ABCA8: variants seen among roughly 807,000 people sequenced by gnomAD.
ABCA8 encodes the protein ABC-type organic anion transporter ABCA8.
In ABCA8, 177 loss-of-function variants were observed where a neutral mutation model predicts 192.3. The ratio of observed to expected loss-of-function variants is 0.92; its 90% CI spans 0.81 to 1.04. The LOEUF (loss-of-function observed/expected upper bound fraction) is 1.04. Ranked by LOEUF, ABCA8 falls within the 50% of genes least tolerant of loss-of-function variation. ABCA8 has a pLI of 0.00. For missense variants in ABCA8, 1,915 were observed against 1,904.8 expected (o/e 1.01, Z -0.10); for synonymous variants, 642 against 690.2 (o/e 0.93, Z 1.09).
intron 3 of ABCA8, 94 bp downstream of exon 3, chr17:68,941,845 A>G: frequency 1.3e-6 from 1 of 779,942 alleles, no homozygotes; most frequent in South Asian, 1.8e-5. Context: ...TTTTTGGTGT[A>G]TGTGTCGGGG....
chr17:68,870,127 A>G (rs562054838), intron 37 of ABCA8, among the ~76,000 whole-genome samples: 2 of 152,276 alleles, frequency 1.3e-5, no homozygotes, highest in Admixed American at 1.3e-4. Context: ...TGTTGTCCAA[A>G]ACAACTAACC....
intron 2 of ABCA8, among the ~76,000 whole-genome samples, chr17:68,946,897 C>T (rs564619682): frequency 2.6e-5 from 4 of 151,772 alleles, no homozygotes; most frequent in African/African-American, 7.3e-5. Context: ...GCCAAGATGG[C>T]GCCACTGCAC....
rs772108746 is a variant in ABCA8, at chr17:68,869,792, G to T, written c.4632-13C>A. 3 of 1,587,926 alleles carry T rather than the reference G, an allele frequency of 1.9e-6. No homozygotes were observed. The highest frequency in any genetic ancestry group is 2.6e-6 in the Non-Finnish European group (3 of 1,156,530). On this transcript the variant is annotated splice_polypyrimidine_tract_variant and intron_variant, in intron 37 of 39. Transcript: ENST00000586539. ...CAGAGAGGAGTACCTGAGAGAAAAG[G>T]AGAGGTAAGAAGAGTGATACCACTT...
At position 68,875,326 on chromosome 17, in the gene ABCA8, A is replaced by C; in HGVS notation, c.4565T>G (p.Leu1522Arg). The change falls in exon 37 of 40, where the codon CTG becomes CGG. Residue 1522 changes from leucine to arginine, a missense_variant. Coordinates refer to ENST00000586539, the MANE Select transcript of ABCA8 (RefSeq NM_001288985.2). ...TGCATGGAGGGGCTCCACTTGTGCC[A>C]GGTTCTTCACCTTCATCTCCAGCAG... The part of the protein sequence containing the change: ...DYLLEMKVKN[L>R]AQVEPLHAEI... 6.2e-7 allele frequency: 1 copy of C among 1,614,138 alleles called. No individual in the cohort carries two copies. The highest frequency in any genetic ancestry group is 8.5e-7 in the Non-Finnish European group (1 of 1,180,018).
Position 68,894,860 on chromosome 17 carries a change from A to G in ABCA8, c.2898+20T>C, listed in dbSNP as rs762848638. 1 of 1,602,332 alleles carries G rather than the reference A, an allele frequency of 6.2e-7. No homozygotes were observed. Among genetic ancestry groups the G allele is most frequent in the Non-Finnish European group, 8.5e-7 (1 of 1,176,146 alleles). On this transcript the variant is annotated intron_variant, in intron 22 of 39. Transcript: ENST00000586539. ...TTAGCTTTTCACATTTTTCAGAAAGATTATTAGAGACCTGCATACCTTTTC... is the reference window on the plus strand; with the variant it reads ...TTAGCTTTTCACATTTTTCAGAAAGGTTATTAGAGACCTGCATACCTTTTC...
At chr17:68,913,285 A>G (rs1417780568) in intron 17 of ABCA8, among the ~76,000 whole-genome samples, 1 of 152,144 alleles carries the variant, frequency 6.6e-6, no homozygotes, top group East Asian at 1.9e-4. Flanking sequence ...ATAAGTGCTT[A>G]CATCAAAAAG....
intron 7 of ABCA8, 137 bp from the exon 8 acceptor site, chr17:68,929,839 CTAAGATAT>C (rs2067810267): frequency 1.2e-6 from 1 of 803,644 alleles, no homozygotes; most frequent in South Asian, 2.5e-5. Context: ...ATTGGGTGTT[CTAAGATAT>C]ATAAATACAA....
At position 68,940,921 on chromosome 17, in the gene ABCA8, T is replaced by C; in HGVS notation, c.138A>G (p.Ile46Met). 1.9e-6 allele frequency: 3 copies of C among 1,612,154 alleles called. No individual in the cohort carries two copies. Among genetic ancestry groups the C allele is most frequent in the Non-Finnish European group, 2.5e-6 (3 of 1,178,418 alleles). ...CATTTACTTGATGACTATGAGGATA[T>C]ATATACAAACAAAGTAGTAGGAGCA... The part of the protein sequence containing the change: ...NSLLLLLCLY[I>M]YPHSHQVNDF... Residue 46 changes from isoleucine (I) to methionine (M), a missense_variant, in exon 4 of 40, where the codon ATA becomes ATG. By Grantham distance (10) the Ile-to-Met change is conservative. Coordinates refer to ENST00000586539, the MANE Select transcript of ABCA8 (RefSeq NM_001288985.2).
chr17:68,868,417 G>C, intron 38 of ABCA8, 61 bp from the exon 39 acceptor site: 3 of 1,381,472 alleles, frequency 2.2e-6, no homozygotes, highest in South Asian at 2.4e-5. Context: ...TCATAAATCA[G>C]CATATAGTAC....
Position 68,883,806 on chromosome 17 carries a change from T to C in ABCA8, c.3692A>G (p.Lys1231Arg). 1 of 1,588,658 alleles carries C rather than the reference T, an allele frequency of 6.3e-7. No individual in the cohort carries two copies. The highest frequency in any genetic ancestry group is 8.6e-7 in the Non-Finnish European group (1 of 1,169,468). ...EWKFGKKSMR[K>R]DPFFRISPRS... Reference sequence around the variant, plus strand: ...TTTTTCCAACCTAAAGAAAGGATCCTTTCTCATTGATTTCTTTCCAAACTT... The same window carrying C: ...TTTTTCCAACCTAAAGAAAGGATCCCTTCTCATTGATTTCTTTCCAAACTT... The change falls in exon 29 of 40, where the codon AAG (lysine) becomes AGG (arginine). Residue 1231 changes from lysine to arginine, a missense_variant. Transcript: ENST00000586539.
At chr17:68,890,025 T>G (rs187039803) in intron 24 of ABCA8, among the ~76,000 whole-genome samples, 2 of 152,302 alleles carry the variant, frequency 1.3e-5, no homozygotes, top group Admixed American at 1.3e-4. Flanking sequence ...AATGCTCAAG[T>G]GTTTATGTGG....
At chr17:68,876,352 T>A (rs1271294615) in intron 35 of ABCA8, 108 bp downstream of exon 35, 2 of 1,303,568 alleles carry the variant, frequency 1.5e-6, no homozygotes, top group South Asian at 1.3e-5. Context: ...TGATAGTTTT[T>A]TTGTTCTCCA....
intron 38 of ABCA8, among the ~76,000 whole-genome samples, chr17:68,869,378 G>C (rs1027216289): frequency 3.3e-5 from 5 of 152,122 alleles, no homozygotes; most frequent in Admixed American, 3.3e-4. Flanking sequence ...TTTTAAATAT[G>C]TATGCATAGA....
intron 33 of ABCA8, 61 bp downstream of exon 33, chr17:68,877,458 T>TC: frequency 6.9e-7 from 1 of 1,440,474 alleles, no homozygotes; most frequent in Non-Finnish European, 9.3e-7. Context: ...GTGAGGGTCA[T>TC]CACTCTCAAC....
At chr17:68,874,640 T>G (rs1482801625) in intron 37 of ABCA8, among the ~76,000 whole-genome samples, 2 of 152,220 alleles carry the variant, frequency 1.3e-5, no homozygotes, top group African/African-American at 4.8e-5. Flanking sequence ...TTTCCCACAT[T>G]GTTATGATGA....
chr17:68,942,492 A>G (rs1424075490), intron 2 of ABCA8, among the ~76,000 whole-genome samples: 1 of 152,172 alleles, frequency 6.6e-6, no homozygotes, highest in African/African-American at 2.4e-5. Context: ...TGTTTTCTCC[A>G]ATGCAAAGTA....
At chr17:68,943,226 T>C (rs905402697) in intron 2 of ABCA8, among the ~76,000 whole-genome samples, 2 of 152,206 alleles carry the variant, frequency 1.3e-5, no homozygotes, top group African/African-American at 4.8e-5. Flanking sequence ...CTTTTTAAAA[T>C]GTCACTTTAA....
At chr17:68,882,204 C>A (rs1454760297) in intron 30 of ABCA8, among the ~76,000 whole-genome samples, 1 of 152,122 alleles carries the variant, frequency 6.6e-6, no homozygotes, top group East Asian at 1.9e-4. Context: ...TTCAGGAGCA[C>A]AGTATTTTAT....
At chr17:68,915,586 C>A (rs146044532) in intron 17 of ABCA8, among the ~76,000 whole-genome samples, 21 of 152,270 alleles carry the variant, frequency 1.4e-4, no homozygotes, top group African/African-American at 4.8e-4. Flanking sequence ...CATCATCTCA[C>A]CCCAGTTAGA....
Sources: gnomAD v4.1 joint callset for allele counts (sites outside exome capture counted in the v4.1 genomes callset) on GRCh38, gnomAD v4.1.1 for gene constraint, MANE v1.5 for transcripts, NCBI Gene and HGNC (gene_info 2026-07-23, HGNC 2026-07-21) for gene names.